RALYL: variants seen among roughly 807,000 people sequenced by gnomAD.
The protein encoded by RALYL is RNA-binding Raly-like protein.
A neutral mutation model predicts 35.1 loss-of-function variants in RALYL; 29 were observed. That is an observed-to-expected ratio of 0.83 (90% CI 0.61 to 1.13). The LOEUF (loss-of-function observed/expected upper bound fraction) is 1.13. Among genes scored for constraint, RALYL ranks in the 50% most tolerant of loss-of-function variants. RALYL has a pLI of 0.00. For synonymous variants in RALYL, 120 were observed against 127.6 expected (o/e 0.94, Z 0.40); for missense variants, 359 against 360.4 (o/e 1.00, Z 0.03).
chr8:84,860,143 G>A (rs1446822900), intron 5 of RALYL, among the ~76,000 whole-genome samples: 1 of 152,148 alleles, frequency 6.6e-6, no homozygotes, highest in African/African-American at 2.4e-5. Context: ...TATAAAAGTA[G>A]TATTAAATTA....
At chr8:84,282,787 T>C (rs919204963) in intron 1 of RALYL, among the ~76,000 whole-genome samples, 1 of 151,412 alleles carries the variant, frequency 6.6e-6, no homozygotes, top group Non-Finnish European at 1.5e-5. Flanking sequence ...TGTATACATA[T>C]ATATAATTTA....
chr8:84,249,612 T>C (rs1327239059), intron 1 of RALYL, among the ~76,000 whole-genome samples: 1 of 152,130 alleles, frequency 6.6e-6, no homozygotes, highest in East Asian at 1.9e-4. Context: ...TCCTATAGTC[T>C]TGAAACTGAA....
In RALYL at chr8:84,272,963, CAT is replaced by C. The variant is rs1246062708; in HGVS notation, c.-24+88541_-24+88542del. Among the ~76,000 whole-genome samples the C allele has an allele frequency of 9.2e-5, 14 of 152,124 alleles. 1 individual carries two copies. Among genetic ancestry groups the C allele is most frequent in the Non-Finnish European group, 2.1e-4 (14 of 68,026 alleles). ...ATGTATAGAGATGTAGAGATGTAGACATAGTGATATACATTTGCTAGATTGAT... is the reference window on the plus strand; with the variant it reads ...ATGTATAGAGATGTAGAGATGTAGACAGTGATATACATTTGCTAGATTGAT... On this transcript the variant is annotated intron_variant, in intron 1 of 8. Transcript: ENST00000521268.
At chr8:84,699,813 C>G (rs922717871) in intron 2 of RALYL, among the ~76,000 whole-genome samples, 10 of 152,012 alleles carry the variant, frequency 6.6e-5, no homozygotes, top group Non-Finnish European at 1.5e-4. Flanking sequence ...GAAAAGAGAC[C>G]TTGTACCTTT....
intron 2 of RALYL, among the ~76,000 whole-genome samples, chr8:84,598,593 T>G (rs780066124): frequency 1.3e-5 from 2 of 152,150 alleles, no homozygotes; most frequent in Non-Finnish European, 2.9e-5. Context: ...TCACACTTAA[T>G]AGTGGCTCAA....
intron 2 of RALYL, among the ~76,000 whole-genome samples, chr8:84,638,178 C>T (rs1825462227): frequency 6.6e-6 from 1 of 151,914 alleles, no homozygotes; most frequent in South Asian, 2.1e-4. Context: ...TATGCAAATA[C>T]ATGGAAATTA....
intron 1 of RALYL, among the ~76,000 whole-genome samples, chr8:84,464,297 C>A (rs1353009479): frequency 6.6e-6 from 1 of 152,064 alleles, no homozygotes; most frequent in African/African-American, 2.4e-5. Flanking sequence ...CCCCGTACCC[C>A]TACCCCACAA....
At chr8:84,844,663 T>G (rs1163288734) in intron 4 of RALYL, among the ~76,000 whole-genome samples, 1 of 152,106 alleles carries the variant, frequency 6.6e-6, no homozygotes, top group African/African-American at 2.4e-5. Flanking sequence ...TAAAGACACA[T>G]GCACATGTAT....
At chr8:84,627,200 G>C (rs968788558) in intron 2 of RALYL, among the ~76,000 whole-genome samples, 2 of 151,852 alleles carry the variant, frequency 1.3e-5, no homozygotes, top group Non-Finnish European at 2.9e-5. Context: ...CTTCAACTTA[G>C]CATTCGTCTT....
chr8:84,845,431 G>A (rs149924659), intron 4 of RALYL, among the ~76,000 whole-genome samples: 2 of 152,212 alleles, frequency 1.3e-5, no homozygotes, highest in South Asian at 2.1e-4. Context: ...GATTAGTGAC[G>A]ATGACCATTT....
chr8:84,353,077 T>C lies in RALYL; in HGVS notation c.-24+168653T>C, dbSNP rs142772906. ...TGCTGCCTAAAGTCATTCTAGTTTT[T>C]TGAAACTATAATTACAAATAATTTC... On this transcript the variant is annotated intron_variant, in intron 1 of 8. Coordinates refer to ENST00000521268, the MANE Select transcript of RALYL (RefSeq NM_173848.7). Among the ~76,000 whole-genome samples the C allele has an allele frequency of 2.1e-3, 313 of 150,432 alleles. 23 individuals carry two copies. The highest frequency in any genetic ancestry group is 7.1e-3 in the African/African-American group (286 of 40,522).
intron 1 of RALYL, among the ~76,000 whole-genome samples, chr8:84,241,265 C>T (rs978162390): frequency 6.6e-6 from 1 of 151,928 alleles, no homozygotes; most frequent in Non-Finnish European, 1.5e-5. Context: ...GTCTTTTTTT[C>T]TTTCTCTATA....
rs112303561 is a variant in RALYL, at chr8:84,888,835, C to T, written c.858+1059C>T. Among the ~76,000 whole-genome samples the T allele has an allele frequency of 6.0e-3, 914 of 152,160 alleles. 5 individuals carry two copies. Among genetic ancestry groups the T allele is most frequent in the African/African-American group, 0.02 (848 of 41,508 alleles). On this transcript the variant is annotated intron_variant, in intron 8 of 8. Coordinates refer to ENST00000521268, the MANE Select transcript of RALYL (RefSeq NM_173848.7). ...CATGATCTCAGCTCACTGCAACCTC[C>T]GCCCCCCTGGTTCAAGCGATTCTCC...
chr8:84,462,113 G>GT (rs567226700), intron 1 of RALYL, among the ~76,000 whole-genome samples: 56 of 148,444 alleles, frequency 3.8e-4, no homozygotes, highest in East Asian at 5.9e-4. Context: ...GGTGTAATCA[G>GT]TTTTTTTTTT....
At chr8:84,653,317 T>C (rs1829237072) in intron 2 of RALYL, among the ~76,000 whole-genome samples, 1 of 152,070 alleles carries the variant, frequency 6.6e-6, no homozygotes, top group Non-Finnish European at 1.5e-5. Context: ...TACATAAATA[T>C]AGACAAGCTG....
intron 1 of RALYL, among the ~76,000 whole-genome samples, chr8:84,406,970 C>G (rs191984039): frequency 7.9e-5 from 12 of 151,472 alleles, no homozygotes; most frequent in Non-Finnish European, 1.5e-4. Context: ...AGGAACATTG[C>G]TGATATTTTT....
intron 1 of RALYL, among the ~76,000 whole-genome samples, chr8:84,528,048 A>G (rs1272719467): frequency 1.3e-5 from 2 of 152,162 alleles, no homozygotes; most frequent in Admixed American, 6.5e-5. Context: ...TCCAATTTAC[A>G]TGCCTTAAAG....
chr8:84,565,288 A>C (rs944007450), intron 2 of RALYL, among the ~76,000 whole-genome samples: 4 of 151,580 alleles, frequency 2.6e-5, no homozygotes, highest in Non-Finnish European at 5.9e-5. Flanking sequence ...ATTTTCTCTT[A>C]TGTTGCCCAT....
intron 1 of RALYL, among the ~76,000 whole-genome samples, chr8:84,187,660 C>T (rs1033461995): frequency 2.0e-5 from 3 of 151,764 alleles, no homozygotes; most frequent in Non-Finnish European, 4.4e-5. Flanking sequence ...ATAAATGATG[C>T]CTTAAGAATA....
Sources: allele counts gnomAD v4.1 joint callset (sites outside exome capture counted in the v4.1 genomes callset), GRCh38; gene constraint gnomAD v4.1.1; transcripts MANE v1.5; gene names NCBI Gene and HGNC (gene_info 2026-07-23, HGNC 2026-07-21).